ITGB3BP: variants seen among roughly 807,000 people sequenced by gnomAD.
The protein encoded by ITGB3BP is integrin subunit beta 3 binding protein.
Under a neutral mutation model 29.1 loss-of-function variants are expected in ITGB3BP, and 27 were observed. The ratio of observed to expected loss-of-function variants is 0.93; its 90% CI spans 0.68 to 1.28. The LOEUF (loss-of-function observed/expected upper bound fraction) is 1.28, where lower values mean the gene tolerates loss of function less well. ITGB3BP is among the 50% of genes most tolerant of loss of function. ITGB3BP has a pLI of 0.00. For missense variants in ITGB3BP, 192 were observed against 200.2 expected (o/e 0.96, Z 0.25); for synonymous variants, 61 against 61.4 (o/e 0.99, Z 0.03).
intron 8 of ITGB3BP, among the ~76,000 whole-genome samples, chr1:63,441,482 C>G (rs926901840): frequency 5.9e-5 from 9 of 152,136 alleles, no homozygotes; most frequent in African/African-American, 2.2e-4. Flanking sequence ...GTGATCTGCC[C>G]ACCTCGGCCT....
chr1:63,495,522 G>A (rs1645765392), intron 2 of ITGB3BP, among the ~76,000 whole-genome samples: 4 of 152,152 alleles, frequency 2.6e-5, no homozygotes, highest in Admixed American at 6.5e-5. Context: ...CCACTCATCT[G>A]AATTTCAGTT....
chr1:63,491,241 T>C (rs547238667), intron 2 of ITGB3BP, among the ~76,000 whole-genome samples: 1 of 152,296 alleles, frequency 6.6e-6, no homozygotes, highest in Admixed American at 6.5e-5. Flanking sequence ...AGCTTACTGA[T>C]CACCCACCAG....
intron 4 of ITGB3BP, among the ~76,000 whole-genome samples, chr1:63,467,143 A>G (rs915808925): frequency 1.3e-5 from 2 of 152,112 alleles, no homozygotes; most frequent in Admixed American, 6.5e-5. Context: ...TTGGCCTCCT[A>G]AAGTCCTGGG....
chr1:63,521,773 C>A (rs1646453632), intron 1 of ITGB3BP, among the ~76,000 whole-genome samples: 1 of 152,114 alleles, frequency 6.6e-6, no homozygotes, highest in African/African-American at 2.4e-5. Context: ...CAGAGCCAGA[C>A]TCTGCCTCAA....
rs1644723578 is a variant in ITGB3BP at position 63,441,113 on chromosome 1, A to G, written c.*2-10T>C. On this transcript the variant is annotated splice_polypyrimidine_tract_variant and intron_variant, in intron 8 of 8. Coordinates refer to ENST00000271002, the MANE Select transcript of ITGB3BP (RefSeq NM_014288.5). ...CATTTCTTCTTAATGCCTGTGAGAT[A>G]TAAAAGATAATTATATTATCAAGAA... The G allele has an allele frequency of 6.6e-6, 1 of 152,414 alleles. No individual in the cohort carries two copies. Among genetic ancestry groups the G allele is most frequent in the Non-Finnish European group, 1.5e-5 (1 of 68,036 alleles). The allele number at this position is 152,414 out of a possible 1,614,324, so 9.4% of individuals were successfully genotyped here. A position where few individuals can be genotyped will look rare whatever the true frequency, so the allele number is the denominator to read the frequency against.
intron 4 of ITGB3BP, among the ~76,000 whole-genome samples, chr1:63,475,724 G>A (rs1402926868): frequency 6.6e-6 from 1 of 152,156 alleles, no homozygotes; most frequent in Admixed American, 6.5e-5. Flanking sequence ...CTGGCCAGGT[G>A]CGGTGGCTCA....
chr1:63,454,398 G>A lies in ITGB3BP; in HGVS notation c.409C>T (p.Gln137Ter). The change falls in exon 6 of 9, where the codon CAG becomes TAG. Residue 137 changes from glutamine (Q) to a stop codon, truncating the protein, a stop_gained. Transcript: ENST00000271002. LOFTEE classifies it high-confidence loss of function. The surrounding 1 kb of genome is among the most constrained non-coding windows in gnomAD (Gnocchi z 4.1). The part of the protein sequence containing the change: ...CASHFLKREM[Q>*]KTKELMTKVN... ...TTCTTACTTAGTTCTTTGGTTTTCT[G>A]CATTTCTCTTTTTAAGAAATGTGAT... 1.3e-6 allele frequency: 2 copies of A among 1,583,356 alleles called. No individual in the cohort carries two copies. The highest frequency in any genetic ancestry group is 1.7e-6 in the Non-Finnish European group (2 of 1,155,746).
chr1:63,490,867 A>G (rs1252460249), intron 2 of ITGB3BP, among the ~76,000 whole-genome samples: 1 of 152,184 alleles, frequency 6.6e-6, no homozygotes, highest in African/African-American at 2.4e-5. Context: ...GCTCCTGAAA[A>G]TAAATATTAT....
chr1:63,521,163 C>A (rs1646435853), intron 1 of ITGB3BP, among the ~76,000 whole-genome samples: 1 of 151,850 alleles, frequency 6.6e-6, no homozygotes, highest in African/African-American at 2.4e-5. Flanking sequence ...AAATAGTCAC[C>A]ATTTCAACAT....
intron 2 of ITGB3BP, among the ~76,000 whole-genome samples, chr1:63,506,818 A>T (rs1194713441): frequency 6.6e-6 from 1 of 152,194 alleles, no homozygotes; most frequent in African/African-American, 2.4e-5. Flanking sequence ...AAATGACCAC[A>T]AAGTTACTAC....
chr1:63,492,787 A>C (rs1645681812), intron 2 of ITGB3BP, among the ~76,000 whole-genome samples: 1 of 152,024 alleles, frequency 6.6e-6, no homozygotes, highest in Admixed American at 6.5e-5. Flanking sequence ...AAACAAAACA[A>C]AACAAAAAAC....
intron 2 of ITGB3BP, among the ~76,000 whole-genome samples, chr1:63,499,155 C>T (rs562097949): frequency 1.5e-4 from 16 of 103,668 alleles, no homozygotes; most frequent in African/African-American, 3.8e-4. Flanking sequence ...ATTCCACTAG[C>T]GTTTTTTTTT....
chr1:63,464,161 A>G (rs1557617070), intron 4 of ITGB3BP, among the ~76,000 whole-genome samples: 1 of 152,190 alleles, frequency 6.6e-6, no homozygotes, highest in Non-Finnish European at 1.5e-5. Context: ...TAAAAAGTCA[A>G]AAAGGATGAG....
At chr1:63,446,742 C>T in intron 8 of ITGB3BP, 64 bp downstream of exon 8, 1 of 1,117,568 alleles carries the variant, frequency 8.9e-7, no homozygotes, top group African/African-American at 1.6e-5. Flanking sequence ...TAAAATGTTT[C>T]CACCTGAACA....
intron 2 of ITGB3BP, among the ~76,000 whole-genome samples, chr1:63,492,053 C>G (rs1198814143): frequency 2.0e-5 from 3 of 152,142 alleles, no homozygotes; most frequent in African/African-American, 7.2e-5. Flanking sequence ...CTATATCTAT[C>G]TGTTTTTCTA....
intron 4 of ITGB3BP, among the ~76,000 whole-genome samples, chr1:63,468,895 AAATAAAT>A (rs998435755): frequency 3.3e-4 from 42 of 128,684 alleles, no homozygotes; most frequent in Non-Finnish European, 6.9e-4. Context: ...ATAAATAAAT[AAATAAAT>A]AAGGTGGGCG....
chr1:63,525,103 A>T (rs1646562456), upstream of ITGB3BP, among the ~76,000 whole-genome samples: 1 of 152,114 alleles, frequency 6.6e-6, no homozygotes, highest in Non-Finnish European at 1.5e-5. Context: ...TCTGCAGTTT[A>T]TTTAGCACTT....
chr1:63,449,609 A>G (rs1343078319), intron 7 of ITGB3BP: 1 of 153,286 alleles, frequency 6.5e-6, no homozygotes, highest in Non-Finnish European at 1.5e-5. Flanking sequence ...TATGATTCAC[A>G]TATGGCATAC....
intron 1 of ITGB3BP, among the ~76,000 whole-genome samples, chr1:63,514,570 T>A (rs1393328990): frequency 1.3e-5 from 2 of 152,244 alleles, no homozygotes; most frequent in Non-Finnish European, 2.9e-5. Flanking sequence ...TGTTGATTAG[T>A]AAGAGTTCTT....
Sources: allele counts gnomAD v4.1 joint callset (sites outside exome capture counted in the v4.1 genomes callset), GRCh38; gene constraint gnomAD v4.1.1; non-coding constraint Gnocchi (gnomAD v3.1); transcripts MANE v1.5; gene names NCBI Gene and HGNC (gene_info 2026-07-23, HGNC 2026-07-21).